HPS5: variants seen among roughly 807,000 people sequenced by gnomAD.
HPS5 encodes the protein BLOC-2 complex member HPS5.
Under a neutral mutation model 128.0 loss-of-function variants are expected in HPS5, and 83 were observed. The ratio of observed to expected loss-of-function variants is 0.65; its 90% CI spans 0.54 to 0.78. HPS5 has a LOEUF of 0.78. Ranked by LOEUF, HPS5 falls within the 30% of genes least tolerant of loss-of-function variation. The pLI, the probability that HPS5 is intolerant of heterozygous loss-of-function variation, is 0.00. For synonymous variants in HPS5, 475 were observed against 470.2 expected, an observed-to-expected ratio of 1.01 and a Z score of -0.13; for missense variants, 1,281 against 1,326.2, an observed-to-expected ratio of 0.97 and a Z score of 0.53.
At chr11:18,311,570 G>T (rs540485000) in intron 3 of HPS5, 119 bp from the exon 4 acceptor site, 4 of 602,270 alleles carry the variant, frequency 6.6e-6, no homozygotes, top group Non-Finnish European at 1.1e-5. Context: ...GGGAGCAATG[G>T]TGCGATCTCG....
rs747217501 is a variant in HPS5, at chr11:18,279,950, C to T, written c.3330-8G>A. 63 of 1,613,736 alleles carry T rather than the reference C, an allele frequency of 3.9e-5. No individual in the cohort carries two copies. The Admixed American group carries it at 1.0e-3, about 26-fold the overall frequency. On this transcript the variant is annotated splice_region_variant and splice_polypyrimidine_tract_variant and intron_variant, in intron 22 of 22. Transcript: ENST00000349215. ...ATGCTTTGTATCAAGGCCCTGAAAT[C>T]CCAAAGAAAAGAAACAAGCAAATTT...
chr11:18,296,350 C>A (rs1203879085), intron 12 of HPS5: 5 of 566,000 alleles, frequency 8.8e-6, no homozygotes, highest in Non-Finnish European at 1.6e-5. Flanking sequence ...ACCCTGAGTC[C>A]CCATAAGTCA....
chr11:18,280,035 A>G lies in HPS5; in HGVS notation c.3330-93T>C, dbSNP rs552091714. On this transcript the variant is annotated intron_variant, in intron 22 of 22. Transcript: ENST00000349215. ...AAACTACAGAGTTTCAGAGGATTCA[A>G]AAAGTTGACTGATTCTGTGCATTAA... is the stretch of plus-strand genomic sequence containing the variant. 1.6e-3 allele frequency: 2,088 copies of G among 1,270,380 alleles called. 5 individuals are homozygous for G. Among genetic ancestry groups the G allele is most frequent in the Non-Finnish European group, 2.3e-3 (1,989 of 879,448 alleles). The allele number at this position is 1,270,380 out of a possible 1,614,324, so 78.7% of individuals were successfully genotyped here.
At chr11:18,283,683 A>C in intron 21 of HPS5, 112 bp downstream of exon 21, 1 of 758,918 alleles carries the variant, frequency 1.3e-6, no homozygotes, top group Non-Finnish European at 2.4e-6. Context: ...ACTAAGTGGA[A>C]TCACATATTA....
chr11:18,320,803 T>C (rs1864228488), intron 1 of HPS5, among the ~76,000 whole-genome samples: 1 of 152,214 alleles, frequency 6.6e-6, no homozygotes, highest in Non-Finnish European at 1.5e-5. Context: ...ACTTCCTGGA[T>C]CTAGACACTA....
At chr11:18,297,900 T>G (rs1283405145) in intron 10 of HPS5, among the ~76,000 whole-genome samples, 183 bp from the exon 11 acceptor site, 14 of 152,034 alleles carry the variant, frequency 9.2e-5, no homozygotes, top group South Asian at 4.1e-4. Context: ...GCCAACATGG[T>G]GAAACCCCGT....
rs776985392 is a variant in HPS5 at position 18,291,540 on chromosome 11, T to G, written c.2342A>C (p.Tyr781Ser). The G allele has an allele frequency of 3.7e-6, 6 of 1,611,394 alleles. No homozygotes were observed. In the South Asian group the frequency reaches 6.6e-5, roughly 18 times the overall value. Residue 781 changes from tyrosine to serine, a missense_variant, in exon 16 of 23, where the codon TAC becomes TCC. Coordinates refer to ENST00000349215, the MANE Select transcript of HPS5 (RefSeq NM_181507.2). ...EILACQFLKK[Y>S]FFLLNLKRAK... ...TCTTTTCAAGTTCAGGAGAAAAAAG[T>G]ACTTCTTCAGGAACTGGCAAGCCAG...
chr11:18,280,602 C>T (rs941698384), intron 22 of HPS5: 22 of 698,894 alleles, frequency 3.1e-5, no homozygotes, highest in Non-Finnish European at 4.4e-5. Flanking sequence ...TTCATAGCAG[C>T]GTTATTCACA....
Position 18,298,974 on chromosome 11 carries a change from C to T in HPS5, c.986-4G>A, listed in dbSNP as rs113766741. 1.2e-5 allele frequency: 19 copies of T among 1,613,952 alleles called. No individual in the cohort carries two copies. Among genetic ancestry groups the T allele is most frequent in the Middle Eastern group, 1.6e-4 (1 of 6,062 alleles). Reference sequence around the variant, plus strand: ...CAGACAGCCACATCCTGAATATCTACGAAAACCACAGGTGTGAACATACAA... The same window carrying T: ...CAGACAGCCACATCCTGAATATCTATGAAAACCACAGGTGTGAACATACAA... On this transcript the variant is annotated splice_region_variant and splice_polypyrimidine_tract_variant and intron_variant, in intron 9 of 22. Coordinates refer to ENST00000349215, the MANE Select transcript of HPS5 (RefSeq NM_181507.2).
At position 18,294,927 on chromosome 11, in the gene HPS5, G is replaced by C. The variant is rs1046998202; in HGVS notation, c.1784+93C>G. The C allele has an allele frequency of 5.9e-6, 8 of 1,364,628 alleles. No individual in the cohort carries two copies. The African/African-American group carries it at 1.0e-4, about 17-fold the overall frequency. 84.5% of individuals were successfully genotyped at this position (1,364,628 alleles called of 1,614,324 possible). On this transcript the variant is annotated intron_variant, in intron 14 of 22. Transcript: ENST00000349215. ...CCGTCCTGGAACACATGAGGCCCAC[G>C]GGCCACAGGCTGCACAAGGTTGGTC...
Position 18,298,858 on chromosome 11 carries a change from T to C in HPS5, c.1098A>G (p.Arg366=), listed in dbSNP as rs781472058. The C allele has an allele frequency of 4.3e-6, 7 of 1,614,158 alleles. No individual in the cohort carries two copies. Among genetic ancestry groups the C allele is most frequent in the Non-Finnish European group, 5.9e-6 (7 of 1,180,018 alleles). Residue 366 remains arginine (R), a synonymous_variant, in exon 10 of 23, where the codon AGA becomes AGG. Coordinates refer to ENST00000349215, the MANE Select transcript of HPS5 (RefSeq NM_181507.2). ...SVERCVERLL[R]RGLWNLAART... Reference sequence around the variant, plus strand: ...GAGCAGCCAAGTTCCATAGGCCTCTTCTTAGCAGGCGTTCCACACAGCGCT... The same window carrying C: ...GAGCAGCCAAGTTCCATAGGCCTCTCCTTAGCAGGCGTTCCACACAGCGCT...
rs545905367 is a variant in HPS5 at position 18,305,935 on chromosome 11, C to T, written c.824+200G>A. ...TTTTGGTAGAGACGGGGTTTCACCG[C>T]GTTAGTCAGGATGGTCTCGATCTCC... On this transcript the variant is annotated intron_variant, in intron 7 of 22. Coordinates refer to ENST00000349215, the MANE Select transcript of HPS5 (RefSeq NM_181507.2). Among the ~76,000 whole-genome samples the T allele has an allele frequency of 1.3e-4, 20 of 152,182 alleles. No homozygotes were observed. The East Asian group carries it at 1.5e-3, about 12-fold the overall frequency.
chr11:18,298,359 G>C (rs1028201761), intron 10 of HPS5, among the ~76,000 whole-genome samples: 2 of 152,152 alleles, frequency 1.3e-5, no homozygotes, highest in African/African-American at 4.8e-5. Flanking sequence ...GCTAGGTGTG[G>C]TGGCGAGCGC....
At chr11:18,320,488 T>C (rs1047339500) in intron 1 of HPS5, among the ~76,000 whole-genome samples, 5 of 152,244 alleles carry the variant, frequency 3.3e-5, no homozygotes, top group Admixed American at 1.3e-4. Context: ...TTCTTTTTAA[T>C]ACTATGCTGA....
At chr11:18,321,454 G>A (rs1467343920) in intron 1 of HPS5, among the ~76,000 whole-genome samples, 1 of 152,164 alleles carries the variant, frequency 6.6e-6, no homozygotes, top group Non-Finnish European at 1.5e-5. Flanking sequence ...AGAAGTTGGC[G>A]ACAAATGCTT....
intron 2 of HPS5, 84 bp downstream of exon 2, chr11:18,317,667 C>G (rs889183890): frequency 7.4e-6 from 10 of 1,355,440 alleles, no homozygotes; most frequent in Non-Finnish European, 8.3e-6. Context: ...CAAGATTCCA[C>G]AAAACGTTAA....
Position 18,287,598 on chromosome 11 carries a change from T to G in HPS5, c.2654A>C (p.His885Pro), listed in dbSNP as rs375320685. 6 of 1,614,068 alleles carry G rather than the reference T, an allele frequency of 3.7e-6. No homozygotes were observed. In the African/African-American group the frequency reaches 4.0e-5, roughly 11 times the overall value. ...LPSDIIQLCH[H>P]HPAEFLAYLD... ...ATAGGCCAAAAACTCAGCAGGATGA[T>G]GATGACAAAGTTGTATGATATCCGA... The change falls in exon 18 of 23, where the codon CAT becomes CCT. Residue 885 changes from histidine (H) to proline (P), a missense_variant. Physicochemically the swap from His to Pro is moderately conservative, Grantham distance 77. Coordinates refer to ENST00000349215, the MANE Select transcript of HPS5 (RefSeq NM_181507.2).
At chr11:18,293,101 A>G in intron 14 of HPS5, 125 bp from the exon 15 acceptor site, 1 of 756,070 alleles carries the variant, frequency 1.3e-6, no homozygotes. Context: ...GGTTCATTGC[A>G]ACCTCCGCCT....
intron 2 of HPS5, among the ~76,000 whole-genome samples, chr11:18,313,277 C>G (rs1013217860): frequency 6.6e-6 from 1 of 151,950 alleles, no homozygotes; most frequent in Non-Finnish European, 1.5e-5. Context: ...CAGGCCCAGA[C>G]AGAAATGAAT....
Sources: gnomAD v4.1 joint callset for allele counts (sites outside exome capture counted in the v4.1 genomes callset) on GRCh38, gnomAD v4.1.1 for gene constraint, MANE v1.5 for transcripts, NCBI Gene and HGNC (gene_info 2026-07-23, HGNC 2026-07-21) for gene names.